CECR2: variants seen among roughly 807,000 people sequenced by gnomAD.
CECR2 encodes CECR2 histone acetyl-lysine reader, also known as chromatin remodeling regulator CECR2.
In CECR2, 30 loss-of-function variants were observed where a neutral mutation model predicts 154.5. That is an observed-to-expected ratio of 0.19 (90% CI 0.15 to 0.26). The LOEUF is 0.26. Ranked by LOEUF, CECR2 falls within the 10% of genes least tolerant of loss-of-function variation. The pLI is 1.00. For synonymous variants in CECR2, 725 were observed against 683.7 expected, an observed-to-expected ratio of 1.06 and a Z score of -0.94; for missense variants, 1,743 against 1,829.3, an observed-to-expected ratio of 0.95 and a Z score of 0.86.
chr22:17,382,326 T>C (rs7285871), intron 1 of CECR2, among the ~76,000 whole-genome samples: 55,446 of 152,066 alleles, frequency 0.36, 10,943 homozygotes, highest in Admixed American at 0.45. Context: ...AACCAAGTTT[T>C]AGAGTAAGAA....
intron 1 of CECR2, among the ~76,000 whole-genome samples, chr22:17,398,365 G>C (rs549760834): frequency 1.1e-4 from 17 of 152,246 alleles, no homozygotes; most frequent in Admixed American, 9.8e-4. Context: ...TGAGGGTTGA[G>C]TCTGGGGTGA....
chr22:17,380,310 C>T (rs2063172381), intron 1 of CECR2, among the ~76,000 whole-genome samples: 2 of 152,180 alleles, frequency 1.3e-5, no homozygotes, highest in Non-Finnish European at 2.9e-5. Flanking sequence ...GCCATACACT[C>T]ATTTAAACTG....
chr22:17,404,890 A>G (rs1601297790), intron 1 of CECR2, among the ~76,000 whole-genome samples: 4 of 152,308 alleles, frequency 2.6e-5, no homozygotes, highest in East Asian at 3.9e-4. Flanking sequence ...GCCTGCTAGC[A>G]TTTAGATTGG....
rs527338364 is a variant in CECR2, at chr22:17,371,150, A to C, written c.126+1241A>C. Among the ~76,000 whole-genome samples the C allele has an allele frequency of 2.1e-3, 313 of 152,290 alleles. 1 individual carries two copies. The highest frequency in any genetic ancestry group is 7.3e-3 in the African/African-American group (303 of 41,546). On this transcript the variant is annotated intron_variant, in intron 1 of 18. Coordinates refer to ENST00000262608, the MANE Select transcript of CECR2 (RefSeq NM_001290047.2). ...TTTTAGATTTAGTCGTGTTTGCTGA[A>C]ATATCAGTTGCTTCTTCTGTGAATG...
intron 1 of CECR2, among the ~76,000 whole-genome samples, chr22:17,438,566 C>T (rs991795598): frequency 1.1e-4 from 17 of 152,132 alleles, no homozygotes; most frequent in South Asian, 2.1e-4. Flanking sequence ...CAGCCCAGGA[C>T]GGCTTTGAAT....
intron 1 of CECR2, among the ~76,000 whole-genome samples, chr22:17,402,411 G>C (rs1233045707): frequency 6.6e-6 from 1 of 152,220 alleles, no homozygotes; most frequent in African/African-American, 2.4e-5. Context: ...CCTGTCAAGA[G>C]CCAGATAATA....
At chr22:17,399,863 TA>T (rs1214503116) in intron 1 of CECR2, among the ~76,000 whole-genome samples, 1 of 152,252 alleles carries the variant, frequency 6.6e-6, no homozygotes, top group Non-Finnish European at 1.5e-5. Context: ...AAAATTTGTC[TA>T]GAAATCTTGA....
At chr22:17,543,154 A>G (rs892818567) in intron 16 of CECR2, among the ~76,000 whole-genome samples, 151 bp downstream of exon 16, 4 of 151,682 alleles carry the variant, frequency 2.6e-5, no homozygotes, top group Non-Finnish European at 5.9e-5. Context: ...TTTTTTTGAG[A>G]CAGAGTCTTG....
chr22:17,499,769 A>G (rs776044490), intron 4 of CECR2, among the ~76,000 whole-genome samples: 24 of 152,170 alleles, frequency 1.6e-4, no homozygotes, highest in Non-Finnish European at 3.2e-4. Flanking sequence ...GAAGTTCTTG[A>G]TAGGAGGTTT....
chr22:17,477,636 C>G lies in CECR2; in HGVS notation c.175C>G (p.Leu59Val). 8 of 1,613,678 alleles carry G rather than the reference C, an allele frequency of 5.0e-6. No homozygotes were observed. Among genetic ancestry groups the G allele is most frequent in the Non-Finnish European group, 6.8e-6 (8 of 1,179,660 alleles). ...AGATGACGTGGAGTTTATCAGTGAC[C>G]TGATTGCCTGCCTGCTTCAGGGCTG... Reference protein sequence around the residue: ...HRDDVEFISDLIACLLQGCYQ... With the variant: ...HRDDVEFISDVIACLLQGCYQ... Residue 59 changes from leucine (L) to valine (V), a missense_variant, in exon 2 of 19, where the codon CTG becomes GTG. This residue lies in a region of CECR2 where 98 missense variants were observed against 169.3 expected (regional missense o/e 0.58). Coordinates refer to ENST00000262608, the MANE Select transcript of CECR2 (RefSeq NM_001290047.2).
chr22:17,552,903 C>G lies in CECR2; in HGVS notation c.*63C>G. ...CACACGAAGACTGGAATGTGGAGAA[C>G]TGGGGAGTGCCCTGTCAGCTCTATT... On this transcript the variant is annotated 3_prime_UTR_variant, in exon 19 of 19. Transcript: ENST00000262608. 1 of 1,539,680 alleles carries G rather than the reference C, an allele frequency of 6.5e-7. No individual in the cohort carries two copies. The highest frequency in any genetic ancestry group is 2.1e-5 in the Admixed American group (1 of 48,644).
chr22:17,365,031 C>A (rs1442351479), upstream of CECR2, among the ~76,000 whole-genome samples: 1 of 152,012 alleles, frequency 6.6e-6, no homozygotes, highest in African/African-American at 2.4e-5. Context: ...TTGAGACCAA[C>A]CTGACCAACA....
At chr22:17,451,604 G>C (rs993175654) in intron 1 of CECR2, among the ~76,000 whole-genome samples, 1 of 152,022 alleles carries the variant, frequency 6.6e-6, no homozygotes, top group Non-Finnish European at 1.5e-5. Flanking sequence ...CCGTTCCTCC[G>C]AGCACCAGAG....
In CECR2 at chr22:17,404,437, G is replaced by A. The variant is rs1217956529; in HGVS notation, c.126+34528G>A. Reference sequence around the variant, plus strand: ...CGCCCAGGCTGGAGTGCAGTGGCGGGATCTCGGCTCACTGCAAGCTCCGCC... The same window carrying A: ...CGCCCAGGCTGGAGTGCAGTGGCGGAATCTCGGCTCACTGCAAGCTCCGCC... On this transcript the variant is annotated intron_variant, in intron 1 of 18. Transcript: ENST00000262608. 5.0e-4 allele frequency among the ~76,000 whole-genome samples: 52 copies of A among 103,938 alleles called. 1 individual carries two copies. Among genetic ancestry groups the A allele is most frequent in the African/African-American group, 2.1e-3 (48 of 23,260 alleles). The allele number at this position is 103,938 out of a possible 152,430, so 68.2% of individuals were successfully genotyped here.
chr22:17,453,053 T>G (rs149832570), intron 1 of CECR2, among the ~76,000 whole-genome samples: 2 of 152,334 alleles, frequency 1.3e-5, no homozygotes, highest in East Asian at 3.9e-4. Flanking sequence ...ATTTTTCCCC[T>G]CACACCTCAT....
At chr22:17,415,521 C>T (rs140758155) in intron 1 of CECR2, among the ~76,000 whole-genome samples, 247 of 152,298 alleles carry the variant, frequency 1.6e-3, no homozygotes, top group Non-Finnish European at 1.7e-3. Flanking sequence ...GGATTACAGG[C>T]GTGAGCCACG....
Position 17,541,844 on chromosome 22 carries a change from A to G in CECR2, c.1890A>G (p.Pro630=), listed in dbSNP as rs1047983519. 3.1e-6 allele frequency: 5 copies of G among 1,613,200 alleles called. No homozygotes were observed. The highest frequency in any genetic ancestry group is 1.1e-5 in the South Asian group (1 of 90,926). Residue 630 remains proline (P), a synonymous_variant, in exon 15 of 19, where the codon CCA becomes CCG. Coordinates refer to ENST00000262608, the MANE Select transcript of CECR2 (RefSeq NM_001290047.2). The part of the protein sequence containing the change: ...SQAPFLNQMR[P]AVPGTFGPLR... ...CTTTGTTCAATGTGCTGCAGAGGCC[A>G]GCAGTACCAGGAACATTTGGCCCTC...
At position 17,518,842 on chromosome 22, in the gene CECR2, T is replaced by C. The variant is rs571361223; in HGVS notation, c.955-5276T>C. 52 of 272,716 alleles carry C rather than the reference T, an allele frequency of 1.9e-4. 1 individual carries two copies. The highest frequency in any genetic ancestry group is 3.6e-4 in the Non-Finnish European group (49 of 137,054). 16.9% of individuals were successfully genotyped at this position (272,716 alleles called of 1,614,324 possible). ...ATCTCCTAAGGCTACTGAGAGCTGA[T>C]GTAGGAGTTTTTACCTCTCCTTTCT... On this transcript the variant is annotated intron_variant, in intron 8 of 18. Coordinates refer to ENST00000262608, the MANE Select transcript of CECR2 (RefSeq NM_001290047.2).
At chr22:17,407,617 A>G in intron 1 of CECR2, among the ~76,000 whole-genome samples, 1 of 151,624 alleles carries the variant, frequency 6.6e-6, no homozygotes, top group Non-Finnish European at 1.5e-5. Flanking sequence ...GCCATGAATT[A>G]GAGGGCCTTA....
Sources: gnomAD v4.1 joint callset for allele counts (sites outside exome capture counted in the v4.1 genomes callset) on GRCh38, gnomAD v4.1.1 for gene constraint, gnomAD v4.1.1 regional missense constraint, MANE v1.5 for transcripts, NCBI Gene and HGNC (gene_info 2026-07-23, HGNC 2026-07-21) for gene names.